Variants in AMPH observed in about 807,000 individuals in gnomAD.
The protein encoded by AMPH is amphiphysin (Stiff-Mann syndrome with breast cancer 128kD autoantigen).
In AMPH, 49 loss-of-function variants were observed where a neutral mutation model predicts 99.1. The observed-to-expected ratio is 0.49, with a 90% CI of 0.39 to 0.63. The LOEUF (loss-of-function observed/expected upper bound fraction) is 0.63. AMPH is among the 20% of genes least tolerant of loss of function. The pLI, the probability that AMPH is intolerant of heterozygous loss-of-function variation, is 0.00. For missense variants in AMPH, 759 were observed against 863.4 expected (o/e 0.88, Z 1.52); for synonymous variants, 314 against 317.3 (o/e 0.99, Z 0.11).
chr7:38,525,049 C>G (rs2129036216), intron 2 of AMPH, among the ~76,000 whole-genome samples: 1 of 151,766 alleles, frequency 6.6e-6, no homozygotes. Flanking sequence ...TATGCTTTTT[C>G]TAGGTAAGCC....
chr7:38,626,199 G>A (rs1794234884), intron 1 of AMPH, among the ~76,000 whole-genome samples: 1 of 152,064 alleles, frequency 6.6e-6, no homozygotes, highest in Non-Finnish European at 1.5e-5. Context: ...TACATGTGCA[G>A]AATATGCAGG....
chr7:38,442,772 C>A (rs1238529088), intron 11 of AMPH, among the ~76,000 whole-genome samples: 1 of 147,260 alleles, frequency 6.8e-6, no homozygotes, highest in African/African-American at 2.6e-5. Context: ...ACCTCACCTT[C>A]TTTTTACCCT....
intron 2 of AMPH, among the ~76,000 whole-genome samples, chr7:38,525,608 C>A (rs1021189816): frequency 2.0e-5 from 3 of 151,904 alleles, no homozygotes; most frequent in African/African-American, 7.3e-5. Context: ...GACCCCAAAC[C>A]CCCCTCACTC....
rs550944903 is a variant in AMPH at position 38,468,719 on chromosome 7, G to A, written c.591-2471C>T. 1.2e-4 allele frequency among the ~76,000 whole-genome samples: 19 copies of A among 152,300 alleles called. No homozygotes were observed. In the South Asian group the frequency reaches 3.9e-3, roughly 32 times the overall value. On this transcript the variant is annotated intron_variant, in intron 7 of 20. Transcript: ENST00000356264. The stretch of plus-strand genomic sequence containing the variant: ...TTCACTATTACAGCCCTAGCACCTA[G>A]TACACGGCAAGCATGAGTAAATGAA...
intron 17 of AMPH, among the ~76,000 whole-genome samples, chr7:38,412,808 C>G (rs936137233): frequency 1.2e-4 from 18 of 152,198 alleles, no homozygotes; most frequent in African/African-American, 4.3e-4. Context: ...TCTCTGAATA[C>G]TCACATCTCC....
At chr7:38,471,184 A>C (rs961958615) in intron 7 of AMPH, among the ~76,000 whole-genome samples, 1 of 152,142 alleles carries the variant, frequency 6.6e-6, no homozygotes, top group African/African-American at 2.4e-5. Flanking sequence ...TATCACTCTG[A>C]CCCTGAGTTA....
At chr7:38,487,157 C>T (rs1195681474) in intron 5 of AMPH, among the ~76,000 whole-genome samples, 1 of 151,894 alleles carries the variant, frequency 6.6e-6, no homozygotes, top group Non-Finnish European at 1.5e-5. Context: ...ATGGAAAACC[C>T]GAAAGGCTCT....
chr7:38,421,168 C>A (rs1785568810), intron 16 of AMPH, among the ~76,000 whole-genome samples: 1 of 152,204 alleles, frequency 6.6e-6, no homozygotes, highest in Non-Finnish European at 1.5e-5. Context: ...CTAGGACCAG[C>A]CATGGATGAC....
At chr7:38,609,887 AACTT>A (rs2129065005) in intron 1 of AMPH, among the ~76,000 whole-genome samples, 1 of 152,240 alleles carries the variant, frequency 6.6e-6, no homozygotes, top group South Asian at 2.1e-4. Flanking sequence ...CTTTTTCAAA[AACTT>A]ACTCTGTTCA....
At chr7:38,533,678 A>C (rs1302387103) in intron 2 of AMPH, among the ~76,000 whole-genome samples, 1 of 152,208 alleles carries the variant, frequency 6.6e-6, no homozygotes, top group East Asian at 1.9e-4. Flanking sequence ...CTCTGAGGCT[A>C]TAATTCCCTC....
At chr7:38,518,305 G>A (rs542845862) in intron 2 of AMPH, among the ~76,000 whole-genome samples, 1 of 152,172 alleles carries the variant, frequency 6.6e-6, no homozygotes, top group Admixed American at 6.5e-5. Context: ...ATCTCTACTA[G>A]GGCAATGTAT....
At position 38,506,762 on chromosome 7, in the gene AMPH, C is replaced by T. The variant is rs56821009; in HGVS notation, c.151-3058G>A. On this transcript the variant is annotated intron_variant, in intron 2 of 20. Transcript: ENST00000356264. ...AAATGGAAGAGAAACCATTATTTTA[C>T]AACCACTAAGCCACCTCTTAAGAAG... is the stretch of plus-strand genomic sequence containing the variant. Among the ~76,000 whole-genome samples, 1,337 of 152,270 alleles carry T rather than the reference C, an allele frequency of 8.8e-3. 21 individuals are homozygous for T. Among genetic ancestry groups the T allele is most frequent in the African/African-American group, 0.028 (1,178 of 41,558 alleles).
chr7:38,445,314 T>C (rs1053256457), intron 11 of AMPH, among the ~76,000 whole-genome samples: 6 of 152,028 alleles, frequency 3.9e-5, no homozygotes, highest in African/African-American at 1.4e-4. Context: ...AAAATAAAAC[T>C]TCTAAAAAAT....
At chr7:38,456,294 A>G (rs1787229773) in intron 11 of AMPH, among the ~76,000 whole-genome samples, 1 of 152,162 alleles carries the variant, frequency 6.6e-6, no homozygotes, top group Non-Finnish European at 1.5e-5. Flanking sequence ...GACCTCCCTA[A>G]TAGCAGGTCC....
chr7:38,522,527 T>C (rs1405462828), intron 2 of AMPH, among the ~76,000 whole-genome samples: 1 of 152,048 alleles, frequency 6.6e-6, no homozygotes, highest in East Asian at 1.9e-4. Flanking sequence ...GCAGCAGGCA[T>C]ACCATCAGCA....
chr7:38,467,057 A>T (rs1787685564), intron 7 of AMPH, among the ~76,000 whole-genome samples: 1 of 152,214 alleles, frequency 6.6e-6, no homozygotes, highest in Non-Finnish European at 1.5e-5. Context: ...ATTCATATGC[A>T]TACAAATACA....
chr7:38,437,719 G>A (rs1207960786), intron 11 of AMPH, among the ~76,000 whole-genome samples: 5 of 151,740 alleles, frequency 3.3e-5, no homozygotes, highest in African/African-American at 7.3e-5. Flanking sequence ...CAGGAGAATC[G>A]CTTGAACCTG....
chr7:38,520,384 G>A (rs1789912286), intron 2 of AMPH, among the ~76,000 whole-genome samples: 1 of 152,140 alleles, frequency 6.6e-6, no homozygotes, highest in Non-Finnish European at 1.5e-5. Context: ...TAAAAAGAGG[G>A]CTTTGATATT....
At position 38,389,958 on chromosome 7, in the gene AMPH, G is replaced by A. The variant is rs878981509; in HGVS notation, c.1879-53C>T. 1.4e-4 allele frequency: 186 copies of A among 1,365,950 alleles called. No individual in the cohort carries two copies. The South Asian group carries it at 1.7e-3, about 13-fold the overall frequency. The allele number at this position is 1,365,950 out of a possible 1,614,324, so 84.6% of individuals were successfully genotyped here. A position where few individuals can be genotyped will look rare whatever the true frequency, so the allele number is the denominator to read the frequency against. ...CAATTTCCCAGCCAGATTTCAAGCAGACACTCTTACAAGTCACTCTCCAAC... is the reference window on the plus strand; with the variant it reads ...CAATTTCCCAGCCAGATTTCAAGCAAACACTCTTACAAGTCACTCTCCAAC... On this transcript the variant is annotated intron_variant, in intron 19 of 20. Transcript: ENST00000356264.
Sources: gnomAD v4.1 joint callset for allele counts (sites outside exome capture counted in the v4.1 genomes callset) on GRCh38, gnomAD v4.1.1 for gene constraint, MANE v1.5 for transcripts, NCBI Gene and HGNC (gene_info 2026-07-23, HGNC 2026-07-21) for gene names.